The following HIF1A variants were observed in gnomAD, a reference collection of about 807,000 sequenced individuals.
HIF1A encodes the protein hypoxia inducible factor 1 subunit alpha.
A neutral mutation model predicts 92.7 loss-of-function variants in HIF1A; 24 were observed. The observed-to-expected ratio is 0.26, with a 90% CI of 0.19 to 0.36. The LOEUF is 0.36. Ranked by LOEUF, HIF1A falls within the 10% of genes least tolerant of loss-of-function variation. HIF1A has a pLI of 1.00. For synonymous variants in HIF1A, 319 were observed against 338.7 expected, an observed-to-expected ratio of 0.94 and a Z score of 0.64; for missense variants, 799 against 998.5, an observed-to-expected ratio of 0.80 and a Z score of 2.69.
At chr14:61,719,992 C>G (rs546028248) in intron 1 of HIF1A, among the ~76,000 whole-genome samples, 1 of 152,324 alleles carries the variant, frequency 6.6e-6, no homozygotes, top group South Asian at 2.1e-4. Context: ...GGTAGTTTCT[C>G]TAGCCTTAAT....
At chr14:61,713,652 C>T (rs1311444034) in intron 1 of HIF1A, among the ~76,000 whole-genome samples, 1 of 137,794 alleles carries the variant, frequency 7.3e-6, no homozygotes, top group East Asian at 2.2e-4. Flanking sequence ...TCCCATACCT[C>T]GCCCTACACA....
At chr14:61,730,117 AAC>A in intron 6 of HIF1A, among the ~76,000 whole-genome samples, 1 of 152,334 alleles carries the variant, frequency 6.6e-6, no homozygotes, top group Non-Finnish European at 1.5e-5. Context: ...AATGAAGATG[AAC>A]AGTTCCTGCC....
chr14:61,733,163 G>A (rs997492848), intron 7 of HIF1A, among the ~76,000 whole-genome samples: 2 of 152,064 alleles, frequency 1.3e-5, no homozygotes, highest in Admixed American at 6.6e-5. Context: ...TCAGCTCACT[G>A]CAACCCCCGC....
chr14:61,729,988 A>T (rs1366023195), intron 6 of HIF1A, among the ~76,000 whole-genome samples: 1 of 152,184 alleles, frequency 6.6e-6, no homozygotes, highest in East Asian at 1.9e-4. Flanking sequence ...TAACATATCA[A>T]GCTCCTCAAC....
chr14:61,747,052 A>G lies in HIF1A; in HGVS notation c.2448A>G (p.Glu816=). 1.9e-6 allele frequency: 3 copies of G among 1,611,514 alleles called. No homozygotes were observed. The highest frequency in any genetic ancestry group is 2.5e-6 in the Non-Finnish European group (3 of 1,179,426). The change falls in exon 15 of 15, where the codon GAA becomes GAG. Residue 816 remains glutamate, a synonymous_variant. Coordinates refer to ENST00000337138, the MANE Select transcript of HIF1A (RefSeq NM_001530.4). ...IQGSRNLLQG[E]ELLRALDQVN is the part of the protein sequence containing the mutation. ...GCAGCAGAAACCTACTGCAGGGTGAAGAATTACTCAGAGCTTTGGATCAAG... is the reference window on the plus strand; with the variant it reads ...GCAGCAGAAACCTACTGCAGGGTGAGGAATTACTCAGAGCTTTGGATCAAG...
intron 4 of HIF1A, 100 bp from the exon 5 acceptor site, chr14:61,726,606 C>T (rs1594874739): frequency 1.9e-5 from 12 of 631,082 alleles, no homozygotes; most frequent in East Asian, 5.9e-5. Flanking sequence ...CTTAATTGAA[C>T]GGGTATTCAG....
intron 1 of HIF1A, among the ~76,000 whole-genome samples, chr14:61,709,648 C>CA (rs2044284164): frequency 1.3e-5 from 2 of 152,036 alleles, no homozygotes; most frequent in South Asian, 4.2e-4. Flanking sequence ...TAGTTGCTTT[C>CA]AAAAATAAAA....
chr14:61,707,807 T>G (rs950709332), intron 1 of HIF1A, among the ~76,000 whole-genome samples: 26 of 151,540 alleles, frequency 1.7e-4, no homozygotes, highest in African/African-American at 6.1e-4. Flanking sequence ...TTTATAATCC[T>G]TTGGGTATAT....
At chr14:61,700,673 A>G (rs2044167531) in intron 1 of HIF1A, among the ~76,000 whole-genome samples, 1 of 152,192 alleles carries the variant, frequency 6.6e-6, no homozygotes, top group Non-Finnish European at 1.5e-5. Context: ...GCTGGATCAT[A>G]TGGTAACCCT....
chr14:61,697,143 C>T (rs1385641074), intron 1 of HIF1A, among the ~76,000 whole-genome samples: 1 of 152,182 alleles, frequency 6.6e-6, no homozygotes, highest in East Asian at 1.9e-4. Context: ...AGAAGATAAA[C>T]TTGTTTATAT....
intron 12 of HIF1A, among the ~76,000 whole-genome samples, chr14:61,744,393 C>T (rs35244739): frequency 0.58 from 88,671 of 151,600 alleles, 30,850 homozygotes; most frequent in Non-Finnish European, 0.75. Flanking sequence ...AGTCATAATC[C>T]CAGCTACTTG....
rs147675626 is a variant in HIF1A, at chr14:61,734,277, C to T, written c.1020C>T (p.Tyr340=). 1.6e-5 allele frequency: 26 copies of T among 1,603,664 alleles called. No individual in the cohort carries two copies. The African/African-American group carries it at 2.3e-4, about 14-fold the overall frequency. ...SQPQCIVCVN[Y]VVSGIIQHDL... is the part of the protein sequence containing the mutation. ...CACAGTGCATTGTATGTGTGAATTA[C>T]GTTGTGAGGTAAGTAAGTTTGAGAA... Residue 340 remains tyrosine, a synonymous_variant, in exon 8 of 15, where the codon TAC becomes TAT. Transcript: ENST00000337138.
At chr14:61,743,866 G>T (rs1283321924) in intron 12 of HIF1A, among the ~76,000 whole-genome samples, 1 of 152,162 alleles carries the variant, frequency 6.6e-6, no homozygotes, top group Non-Finnish European at 1.5e-5. Flanking sequence ...GGGAGGTAGG[G>T]ATCTGGAGAC....
At chr14:61,742,364 C>T (rs570748963) in intron 12 of HIF1A, among the ~76,000 whole-genome samples, 2 of 152,280 alleles carry the variant, frequency 1.3e-5, no homozygotes, top group African/African-American at 4.8e-5. Context: ...GCTTTTTTCC[C>T]TGCCTAACAT....
At chr14:61,722,959 A>G (rs1245049039) in intron 4 of HIF1A, among the ~76,000 whole-genome samples, 1 of 152,216 alleles carries the variant, frequency 6.6e-6, no homozygotes, top group Non-Finnish European at 1.5e-5. Context: ...ATTTTTGGAA[A>G]GTACCTCTTG....
Position 61,747,201 on chromosome 14 carries a change from GGTTA to G in HIF1A, c.*120_*123del, listed in dbSNP as rs1406298050. 1.3e-5 allele frequency: 10 copies of G among 781,314 alleles called. No individual in the cohort carries two copies. The highest frequency in any genetic ancestry group is 1.9e-5 in the Non-Finnish European group (10 of 540,154). 48.4% of individuals were successfully genotyped at this position (781,314 alleles called of 1,614,324 possible). On this transcript the variant is annotated 3_prime_UTR_variant, in exon 15 of 15. Coordinates refer to ENST00000337138, the MANE Select transcript of HIF1A (RefSeq NM_001530.4). ...CCTGGCTACAATACTGCACAAACTT[GGTTA>G]GTTCAATTTTGATCCCCTTTCTACT...
At chr14:61,741,231 T>C in intron 12 of HIF1A, 43 bp downstream of exon 12, 1 of 1,357,562 alleles carries the variant, frequency 7.4e-7, no homozygotes, top group Non-Finnish European at 1.0e-6. Flanking sequence ...TTTATTATTT[T>C]TGAGATAAAT....
Position 61,747,148 on chromosome 14 carries a change from T to C in HIF1A, c.*63T>C, listed in dbSNP as rs2044804102. 7.1e-7 allele frequency: 1 copy of C among 1,399,176 alleles called. No individual in the cohort carries two copies. Among genetic ancestry groups the C allele is most frequent in the South Asian group, 1.4e-5 (1 of 70,504 alleles). 86.7% of individuals were successfully genotyped at this position (1,399,176 alleles called of 1,614,324 possible). On this transcript the variant is annotated 3_prime_UTR_variant, in exon 15 of 15. Coordinates refer to ENST00000337138, the MANE Select transcript of HIF1A (RefSeq NM_001530.4). Reference sequence around the variant, plus strand: ...TGGCTCATTACCTAAAGCAGTCTATTTATATTTTCTACATCTAATTTTAGA... The same window carrying C: ...TGGCTCATTACCTAAAGCAGTCTATCTATATTTTCTACATCTAATTTTAGA...
At chr14:61,718,019 T>TA (rs67584071) in intron 1 of HIF1A, among the ~76,000 whole-genome samples, 165 of 144,488 alleles carry the variant, frequency 1.1e-3, no homozygotes, top group Middle Eastern at 7.1e-3. Context: ...AGAACTCCAT[T>TA]AAAAAAAAAA....
Sources: allele counts gnomAD v4.1 joint callset (sites outside exome capture counted in the v4.1 genomes callset), GRCh38; gene constraint gnomAD v4.1.1; transcripts MANE v1.5; gene names NCBI Gene and HGNC (gene_info 2026-07-23, HGNC 2026-07-21).